SNTG2: variants seen among roughly 807,000 people sequenced by gnomAD.
The protein encoded by SNTG2 is gamma-2-syntrophin.
Under a neutral mutation model 70.9 loss-of-function variants are expected in SNTG2, and 74 were observed. That is an observed-to-expected ratio of 1.04 (90% confidence interval 0.86 to 1.27). The LOEUF is 1.27. Among genes scored for constraint, SNTG2 ranks in the 50% most tolerant of loss-of-function variants. The pLI is 0.00. For synonymous variants in SNTG2, 278 were observed against 273.8 expected (o/e 1.02, Z -0.15); for missense variants, 717 against 690.7 (o/e 1.04, Z -0.43).
At position 959,426 on chromosome 2, in the gene SNTG2, T is replaced by C. The variant is rs545990338; in HGVS notation, c.72+8358T>C. On this transcript the variant is annotated intron_variant, in intron 1 of 16. Transcript: ENST00000308624. The stretch of plus-strand genomic sequence containing the variant: ...TCGTGACCTACAGATTCTTTTGGTT[T>C]TAATCAGGGTGGAATCAGAATGCTT... Among the ~76,000 whole-genome samples the C allele has an allele frequency of 5.9e-5, 9 of 152,308 alleles. No individual in the cohort carries two copies. In the East Asian group the frequency reaches 1.7e-3, roughly 29 times the overall value.
At chr2:1,211,859 T>G (rs537427468) in intron 9 of SNTG2, among the ~76,000 whole-genome samples, 1 of 152,284 alleles carries the variant, frequency 6.6e-6, no homozygotes, top group Non-Finnish European at 1.5e-5. Context: ...CTTAACTAAA[T>G]GCAGACTTGA....
At chr2:1,195,844 T>A (rs1490653152) in intron 8 of SNTG2, among the ~76,000 whole-genome samples, 1 of 152,228 alleles carries the variant, frequency 6.6e-6, no homozygotes, top group Non-Finnish European at 1.5e-5. Flanking sequence ...GATATTATGT[T>A]ATTAAAGATT....
At chr2:1,112,907 C>G (rs1473709175) in intron 4 of SNTG2, among the ~76,000 whole-genome samples, 2 of 151,588 alleles carry the variant, frequency 1.3e-5, no homozygotes, top group Admixed American at 6.6e-5. Context: ...CCTCACAGTA[C>G]TTGGAGGAGG....
intron 16 of SNTG2, among the ~76,000 whole-genome samples, chr2:1,349,528 CTGT>C (rs1193014527): frequency 1.3e-5 from 2 of 152,224 alleles, no homozygotes; most frequent in African/African-American, 4.8e-5. Context: ...TGGGAAGGGG[CTGT>C]TATCATCCTT....
intron 1 of SNTG2, among the ~76,000 whole-genome samples, chr2:1,040,253 G>C (rs928862499): frequency 6.6e-6 from 1 of 152,162 alleles, no homozygotes; most frequent in East Asian, 1.9e-4. Flanking sequence ...AGTCCCTGTG[G>C]GCGGAACCCA....
intron 1 of SNTG2, among the ~76,000 whole-genome samples, chr2:1,006,254 A>G (rs1308381856): frequency 2.6e-5 from 4 of 151,872 alleles, no homozygotes; most frequent in Non-Finnish European, 5.9e-5. Flanking sequence ...TGGCACATGT[A>G]TACATATGTA....
intron 9 of SNTG2, among the ~76,000 whole-genome samples, chr2:1,223,483 C>T (rs1675504560): frequency 6.6e-6 from 1 of 152,238 alleles, no homozygotes; most frequent in Non-Finnish European, 1.5e-5. Flanking sequence ...TTCCTCAGTG[C>T]ATCCTGGGAT....
At chr2:972,650 C>T (rs1660780648) in intron 1 of SNTG2, among the ~76,000 whole-genome samples, 1 of 152,090 alleles carries the variant, frequency 6.6e-6, no homozygotes, top group Non-Finnish European at 1.5e-5. Flanking sequence ...GTGTGGATTT[C>T]TCATGGATGG....
At chr2:1,190,476 C>G (rs1672513499) in intron 8 of SNTG2, among the ~76,000 whole-genome samples, 1 of 127,630 alleles carries the variant, frequency 7.8e-6, no homozygotes. Flanking sequence ...GATGTGGAAC[C>G]ACAAATATGG....
chr2:1,156,904 T>A (rs4971364), intron 6 of SNTG2, among the ~76,000 whole-genome samples: 127,567 of 151,532 alleles, frequency 0.84, 55,203 homozygotes, highest in Non-Finnish European at 0.96. Context: ...GGTGATTGGA[T>A]GTGTGGCTGA....
intron 12 of SNTG2, among the ~76,000 whole-genome samples, chr2:1,257,909 AC>A (rs1449955314): frequency 2.6e-5 from 4 of 152,228 alleles, no homozygotes; most frequent in African/African-American, 9.6e-5. Flanking sequence ...ATTTATAGCA[AC>A]AAGTAAACTT....
At chr2:1,115,792 T>C (rs1666926515) in intron 4 of SNTG2, among the ~76,000 whole-genome samples, 1 of 152,214 alleles carries the variant, frequency 6.6e-6, no homozygotes, top group African/African-American at 2.4e-5. Flanking sequence ...TACAGTCCTT[T>C]GAGGAGGATA....
intron 16 of SNTG2, among the ~76,000 whole-genome samples, chr2:1,325,084 A>C (rs576568520): frequency 1.3e-4 from 20 of 152,322 alleles, no homozygotes; most frequent in Admixed American, 4.6e-4. Flanking sequence ...TGGCCCTATA[A>C]AGTCAACGTC....
intron 16 of SNTG2, among the ~76,000 whole-genome samples, chr2:1,329,020 T>A (rs1329015571): frequency 6.6e-6 from 1 of 152,200 alleles, no homozygotes; most frequent in Non-Finnish European, 1.5e-5. Context: ...AGGTTACTTT[T>A]GACTACAGAC....
At chr2:1,323,119 A>G (rs1437372561) in intron 16 of SNTG2, among the ~76,000 whole-genome samples, 1 of 152,228 alleles carries the variant, frequency 6.6e-6, no homozygotes, top group Admixed American at 6.5e-5. Flanking sequence ...ACTTAGCTCC[A>G]GGCATCTGCC....
At chr2:1,182,921 T>C (rs1558503105) in intron 8 of SNTG2, among the ~76,000 whole-genome samples, 1 of 151,970 alleles carries the variant, frequency 6.6e-6, no homozygotes. Flanking sequence ...CCTAGATAAT[T>C]TTTGTATCCT....
chr2:999,538 T>C (rs1482158558), intron 1 of SNTG2, among the ~76,000 whole-genome samples: 1 of 151,824 alleles, frequency 6.6e-6, no homozygotes, highest in Non-Finnish European at 1.5e-5. Flanking sequence ...AACCATAAAA[T>C]GACAAGGAAG....
At chr2:1,245,431 C>A (rs1483396281) in intron 11 of SNTG2, among the ~76,000 whole-genome samples, 2 of 152,216 alleles carry the variant, frequency 1.3e-5, no homozygotes, top group Admixed American at 1.3e-4. Context: ...GCATAATATT[C>A]TTTTCATGAC....
chr2:1,031,566 C>G (rs572070917), intron 1 of SNTG2, among the ~76,000 whole-genome samples: 23 of 101,310 alleles, frequency 2.3e-4, no homozygotes, highest in Middle Eastern at 0.012. Flanking sequence ...AATCTCACTC[C>G]ATTGCCCAGG....
Sources: gnomAD v4.1 joint callset for allele counts (sites outside exome capture counted in the v4.1 genomes callset) on GRCh38, gnomAD v4.1.1 for gene constraint, MANE v1.5 for transcripts, NCBI Gene and HGNC (gene_info 2026-07-23, HGNC 2026-07-21) for gene names.